NIPAL3: variants seen among roughly 807,000 people sequenced by gnomAD.
NIPAL3 encodes the protein NIPA-like protein 3.
NIPAL3 carries 41 observed loss-of-function variants against 47.2 expected under a neutral mutation model. The ratio of observed to expected loss-of-function variants is 0.87; its 90% confidence interval spans 0.68 to 1.13. NIPAL3 has a LOEUF of 1.13. Ranked by LOEUF, NIPAL3 falls within the 50% of genes most tolerant of loss-of-function variation. NIPAL3 has a pLI of 0.00. For missense variants in NIPAL3, 449 were observed against 530.1 expected (o/e 0.85, Z 1.50); for synonymous variants, 194 against 209.6 (o/e 0.93, Z 0.64).
chr1:24,458,604 G>A (rs1202916567), intron 8 of NIPAL3, among the ~76,000 whole-genome samples: 1 of 152,022 alleles, frequency 6.6e-6, no homozygotes, highest in Non-Finnish European at 1.5e-5. Flanking sequence ...GGCATTTCAG[G>A]TGACAGGAGC....
intron 11 of NIPAL3, chr1:24,465,071 G>A (rs1338965582): frequency 6.6e-6 from 1 of 152,186 alleles, no homozygotes; most frequent in Non-Finnish European, 1.5e-5. Flanking sequence ...TCTTGCTGTA[G>A]CCAGCCTGCC....
chr1:24,430,034 CTGAA>C (rs1230735579), intron 2 of NIPAL3, among the ~76,000 whole-genome samples: 4 of 152,178 alleles, frequency 2.6e-5, no homozygotes, highest in South Asian at 2.1e-4. Flanking sequence ...AAATGAATAT[CTGAA>C]TGAGAAGAAT....
At chr1:24,459,475 T>G (rs1176395344) in intron 9 of NIPAL3, among the ~76,000 whole-genome samples, 1 of 152,240 alleles carries the variant, frequency 6.6e-6, no homozygotes, top group Non-Finnish European at 1.5e-5. Flanking sequence ...TGCATTTTCT[T>G]TCTGTAGTGG....
rs1337807186 is a variant in NIPAL3 at position 24,469,663 on chromosome 1, T to C, written c.*478T>C. 17 of 156,458 alleles carry C rather than the reference T, an allele frequency of 1.1e-4. No homozygotes were observed. The highest frequency in any genetic ancestry group is 1.4e-5 in the Non-Finnish European group (1 of 70,548). The allele number at this position is 156,458 out of a possible 1,614,324, so 9.7% of individuals were successfully genotyped here. On this transcript the variant is annotated 3_prime_UTR_variant, in exon 12 of 12. Transcript: ENST00000374399. ...CCTGATGCCGCATCTGTGATAGCAC[T>C]CGTGTTGCCTTCACATGGCAGGCTG...
At chr1:24,455,057 T>C (rs1646129541) in intron 7 of NIPAL3, among the ~76,000 whole-genome samples, 1 of 152,188 alleles carries the variant, frequency 6.6e-6, no homozygotes, top group Non-Finnish European at 1.5e-5. Context: ...GTTGCTGACG[T>C]TTGGAAACAG....
Position 24,425,816 on chromosome 1 carries a change from G to A in NIPAL3, c.93+6176G>A, listed in dbSNP as rs951528961. Among the ~76,000 whole-genome samples the A allele has an allele frequency of 3.9e-5, 6 of 152,154 alleles. 1 individual carries two copies. Among genetic ancestry groups the A allele is most frequent in the Admixed American group, 3.9e-4 (6 of 15,270 alleles). On this transcript the variant is annotated intron_variant, in intron 2 of 11. Coordinates refer to ENST00000374399, the MANE Select transcript of NIPAL3 (RefSeq NM_020448.5). ...ATTTACAGATAAGCAAACCGAAGCTGCCTGCACCACCCCCTGCTTCTGCCT... is the reference window on the plus strand; with the variant it reads ...ATTTACAGATAAGCAAACCGAAGCTACCTGCACCACCCCCTGCTTCTGCCT...
intron 2 of NIPAL3, among the ~76,000 whole-genome samples, chr1:24,435,061 A>C (rs1392783737): frequency 6.6e-6 from 1 of 152,224 alleles, no homozygotes; most frequent in Non-Finnish European, 1.5e-5. Flanking sequence ...AGACAGACAA[A>C]TAAATCAATG....
At chr1:24,450,736 C>G (rs766249500) in intron 6 of NIPAL3, among the ~76,000 whole-genome samples, 46 of 152,230 alleles carry the variant, frequency 3.0e-4, no homozygotes, top group Non-Finnish European at 4.7e-4. Flanking sequence ...CCCACCTGGC[C>G]TCAGGTGCCA....
chr1:24,436,794 C>T (rs1401015276), intron 2 of NIPAL3, among the ~76,000 whole-genome samples: 1 of 152,066 alleles, frequency 6.6e-6, no homozygotes, highest in African/African-American at 2.4e-5. Flanking sequence ...CCACCGCGCC[C>T]AGCCTTTTGT....
chr1:24,424,036 T>C (rs1644461210), intron 2 of NIPAL3, among the ~76,000 whole-genome samples: 1 of 152,230 alleles, frequency 6.6e-6, no homozygotes, highest in Non-Finnish European at 1.5e-5. Context: ...CAGAGCACTC[T>C]CCCTGATGAG....
chr1:24,454,403 C>T lies in NIPAL3; in HGVS notation c.637+899C>T, dbSNP rs951277876. The T allele has an allele frequency of 7.8e-6, 8 of 1,030,392 alleles. No individual in the cohort carries two copies. Among genetic ancestry groups the T allele is most frequent in the Admixed American group, 5.1e-5 (1 of 19,490 alleles). 63.8% of individuals were successfully genotyped at this position (1,030,392 alleles called of 1,614,324 possible). ...GGGGCCTATGAGAACATCCAAGTCA[C>T]GGAAGGGAGTGGGGGTTAAATGAGA... On this transcript the variant is annotated intron_variant, in intron 7 of 11. Transcript: ENST00000374399. The surrounding 1 kb of genome is among the most constrained non-coding windows in gnomAD (Gnocchi z 4.1).
chr1:24,446,069 C>CTGTGT (rs58526442), intron 5 of NIPAL3, among the ~76,000 whole-genome samples: 2,527 of 147,726 alleles, frequency 0.017, 38 homozygotes, highest in African/African-American at 0.024. Flanking sequence ...AGATTATAGT[C>CTGTGT]GTGTGTGTGT....
intron 4 of NIPAL3, among the ~76,000 whole-genome samples, chr1:24,443,892 G>A (rs1296401700): frequency 6.6e-6 from 1 of 152,106 alleles, no homozygotes; most frequent in East Asian, 1.9e-4. Context: ...TTATCACTCT[G>A]CTCTGCCCAC....
rs538420680 is a variant in NIPAL3 at position 24,457,311 on chromosome 1, C to G, written c.773+1038C>G. On this transcript the variant is annotated intron_variant, in intron 8 of 11. Transcript: ENST00000374399. The stretch of plus-strand genomic sequence containing the variant: ...AAAGGCAGCAGCCTGAGGGCAGGGC[C>G]TGTGTCTTGTTTGCGTTTGAGTCCT... Among the ~76,000 whole-genome samples the G allele has an allele frequency of 5.3e-5, 8 of 152,352 alleles. No individual in the cohort carries two copies. In the South Asian group the frequency reaches 1.7e-3, roughly 32 times the overall value.
At chr1:24,417,166 T>C (rs1364219009) in intron 1 of NIPAL3, among the ~76,000 whole-genome samples, 1 of 152,198 alleles carries the variant, frequency 6.6e-6, no homozygotes, top group Non-Finnish European at 1.5e-5. Flanking sequence ...AGTCAGTCGG[T>C]TGGTATGTAT....
intron 2 of NIPAL3, among the ~76,000 whole-genome samples, chr1:24,435,072 G>A (rs1395296568): frequency 6.6e-6 from 1 of 152,142 alleles, no homozygotes; most frequent in African/African-American, 2.4e-5. Flanking sequence ...TAAATCAATG[G>A]GATAGAATTC....
intron 2 of NIPAL3, among the ~76,000 whole-genome samples, chr1:24,428,751 G>A (rs565984652): frequency 2.1e-4 from 32 of 152,236 alleles, no homozygotes; most frequent in Non-Finnish European, 8.8e-5. Flanking sequence ...CCTTCCAAGG[G>A]CAATGGGGAA....
chr1:24,419,559 C>G lies in NIPAL3; in HGVS notation c.12C>G (p.Ser4=). 1 of 1,613,696 alleles carries G rather than the reference C, an allele frequency of 6.2e-7. No homozygotes were observed. The highest frequency in any genetic ancestry group is 1.1e-5 in the South Asian group (1 of 90,940). The part of the protein sequence containing the change: MDG[S]HSAALKLQQL... ...GCCACTAGACCACCATGGACGGATC[C>G]CACAGCGCAGCCCTGAAGCTGCAGC... The change falls in exon 2 of 12, where the codon TCC becomes TCG. Residue 4 remains serine (S), a synonymous_variant. Coordinates refer to ENST00000374399, the MANE Select transcript of NIPAL3 (RefSeq NM_020448.5).
chr1:24,432,778 C>T (rs1037366706), intron 2 of NIPAL3, among the ~76,000 whole-genome samples: 6 of 152,360 alleles, frequency 3.9e-5, no homozygotes, highest in Non-Finnish European at 8.8e-5. Flanking sequence ...ATACTTGGCA[C>T]ATAGTAAGTG....
Sources: allele counts gnomAD v4.1 joint callset (sites outside exome capture counted in the v4.1 genomes callset), GRCh38; gene constraint gnomAD v4.1.1; non-coding constraint Gnocchi (gnomAD v3.1); transcripts MANE v1.5; gene names NCBI Gene and HGNC (gene_info 2026-07-23, HGNC 2026-07-21).